The following AKT3 variants were observed in gnomAD, a reference collection of about 807,000 sequenced individuals.
AKT3 encodes the protein RAC-gamma serine/threonine-protein kinase.
In AKT3, 15 loss-of-function variants were observed where a neutral mutation model predicts 65.3. That is an observed-to-expected ratio of 0.23 (90% CI 0.15 to 0.35). AKT3 has a LOEUF of 0.35. AKT3 is among the 10% of genes least tolerant of loss of function. The pLI is 1.00. For synonymous variants in AKT3, 206 were observed against 183.8 expected, an observed-to-expected ratio of 1.12 and a Z score of -0.98; for missense variants, 243 against 576.5, an observed-to-expected ratio of 0.42 and a Z score of 5.92.
At chr1:243,824,036 G>T (rs1015215297) in intron 2 of AKT3, among the ~76,000 whole-genome samples, 1 of 152,116 alleles carries the variant, frequency 6.6e-6, no homozygotes, top group Non-Finnish European at 1.5e-5. Flanking sequence ...AACCATAACA[G>T]CATGGTACTG....
At chr1:243,549,374 A>G (rs908925283) in intron 11 of AKT3, among the ~76,000 whole-genome samples, 1 of 152,016 alleles carries the variant, frequency 6.6e-6, no homozygotes, top group Non-Finnish European at 1.5e-5. Context: ...AACCTCTATC[A>G]CTTGTGTACT....
In AKT3 at chr1:243,504,540, A is replaced by G. The variant is rs1553390516; in HGVS notation, c.*709T>C. The G allele has an allele frequency of 1.1e-5, 2 of 189,618 alleles. No homozygotes were observed. The highest frequency in any genetic ancestry group is 1.1e-5 in the Non-Finnish European group (1 of 90,168). The allele number at this position is 189,618 out of a possible 1,614,324, so 11.7% of individuals were successfully genotyped here. ...ATATGCCTTCAGTTCTTGGTAGAAC[A>G]GTGTTCACTTGCTCATGATTGCCCG... On this transcript the variant is annotated 3_prime_UTR_variant, in exon 14 of 14. Transcript: ENST00000673466.
intron 4 of AKT3, among the ~76,000 whole-genome samples, chr1:243,653,671 A>G (rs946258134): frequency 2.0e-5 from 3 of 152,150 alleles, no homozygotes; most frequent in Non-Finnish European, 4.4e-5. Flanking sequence ...TAGCTCCTCT[A>G]CCAAGTGCTG....
intron 2 of AKT3, among the ~76,000 whole-genome samples, chr1:243,766,699 T>A (rs555174294): frequency 1.3e-5 from 2 of 152,234 alleles, no homozygotes; most frequent in African/African-American, 4.8e-5. Flanking sequence ...ATCACAGAGA[T>A]GAACATTTAG....
chr1:243,723,531 G>C (rs1038031569), intron 2 of AKT3, among the ~76,000 whole-genome samples: 2 of 152,114 alleles, frequency 1.3e-5, no homozygotes, highest in African/African-American at 2.4e-5. Context: ...TGAAGGATCT[G>C]ATCCCTAGAC....
At chr1:243,804,431 T>C (rs1423446515) in intron 2 of AKT3, among the ~76,000 whole-genome samples, 2 of 152,252 alleles carry the variant, frequency 1.3e-5, no homozygotes, top group East Asian at 3.8e-4. Flanking sequence ...TACAACATGA[T>C]ATTTTGAAGT....
At chr1:243,798,080 C>T (rs1311287653) in intron 2 of AKT3, among the ~76,000 whole-genome samples, 1 of 151,396 alleles carries the variant, frequency 6.6e-6, no homozygotes, top group East Asian at 1.9e-4. Context: ...GACGGGGTTT[C>T]ACCATGTTAG....
At chr1:243,791,905 A>C (rs1458144598) in intron 2 of AKT3, among the ~76,000 whole-genome samples, 1 of 152,254 alleles carries the variant, frequency 6.6e-6, no homozygotes, top group African/African-American at 2.4e-5. Flanking sequence ...TTAAAAAACA[A>C]AACTAGTAAA....
chr1:243,615,737 G>A (rs150994670), intron 6 of AKT3, among the ~76,000 whole-genome samples: 21 of 151,894 alleles, frequency 1.4e-4, no homozygotes, highest in African/African-American at 3.1e-4. Context: ...TTTAATTTGC[G>A]TCTTAATTTT....
At chr1:243,744,803 T>C (rs910226672) in intron 2 of AKT3, among the ~76,000 whole-genome samples, 1 of 152,032 alleles carries the variant, frequency 6.6e-6, no homozygotes, top group African/African-American at 2.4e-5. Flanking sequence ...TTGATCACAT[T>C]TTACACCACC....
At chr1:243,689,075 C>T (rs1489389363) in intron 3 of AKT3, among the ~76,000 whole-genome samples, 1 of 152,182 alleles carries the variant, frequency 6.6e-6, no homozygotes, top group Non-Finnish European at 1.5e-5. Context: ...TCTACAGCAG[C>T]TACTTTCTAC....
chr1:243,765,718 C>A (rs1048579805), intron 2 of AKT3, among the ~76,000 whole-genome samples: 1 of 152,078 alleles, frequency 6.6e-6, no homozygotes, highest in African/African-American at 2.4e-5. Context: ...TCTCTGCTAA[C>A]AAAATAATGG....
downstream of AKT3, among the ~76,000 whole-genome samples, chr1:243,498,216 C>T (rs10803144): frequency 0.093 from 14,046 of 150,688 alleles, 1,095 homozygotes; most frequent in African/African-American, 0.22. Context: ...TTGGTGCAAA[C>T]CCTGCGTTTG....
At chr1:243,622,150 G>A (rs904520533) in intron 6 of AKT3, among the ~76,000 whole-genome samples, 1 of 152,158 alleles carries the variant, frequency 6.6e-6, no homozygotes, top group African/African-American at 2.4e-5. Flanking sequence ...TAGACTCCTA[G>A]CTATTCAAAG....
At chr1:243,667,936 A>G (rs1374272575) in intron 3 of AKT3, among the ~76,000 whole-genome samples, 9 of 151,816 alleles carry the variant, frequency 5.9e-5, no homozygotes, top group Admixed American at 5.9e-4. Flanking sequence ...CCCCTCACAC[A>G]CCCGCACAGC....
intron 5 of AKT3, among the ~76,000 whole-genome samples, chr1:243,639,584 C>A (rs1680222378): frequency 6.6e-6 from 1 of 152,156 alleles, no homozygotes; most frequent in Non-Finnish European, 1.5e-5. Context: ...CCAAAGGAAC[C>A]TCCCATCAGT....
intron 2 of AKT3, among the ~76,000 whole-genome samples, chr1:243,724,467 T>C (rs1375174253): frequency 6.6e-6 from 1 of 152,190 alleles, no homozygotes; most frequent in Non-Finnish European, 1.5e-5. Flanking sequence ...CATATTTTTT[T>C]CAAATGCAAA....
At chr1:243,789,749 T>C (rs1245758131) in intron 2 of AKT3, among the ~76,000 whole-genome samples, 2 of 152,210 alleles carry the variant, frequency 1.3e-5, no homozygotes, top group African/African-American at 4.8e-5. Flanking sequence ...GCCATACCCT[T>C]AGAAAATGTA....
intron 12 of AKT3, among the ~76,000 whole-genome samples, chr1:243,540,487 T>C (rs1473565695): frequency 6.6e-6 from 1 of 152,184 alleles, no homozygotes; most frequent in African/African-American, 2.4e-5. Flanking sequence ...ATCATGTTTT[T>C]ATAACATATT....
Sources: gnomAD v4.1 joint callset for allele counts (sites outside exome capture counted in the v4.1 genomes callset) on GRCh38, gnomAD v4.1.1 for gene constraint, MANE v1.5 for transcripts, NCBI Gene and HGNC (gene_info 2026-07-23, HGNC 2026-07-21) for gene names.